The following COQ8A variants were observed in gnomAD, a reference collection of about 807,000 sequenced individuals.
COQ8A encodes atypical kinase COQ8A, mitochondrial.
COQ8A carries 51 observed loss-of-function variants against 65.0 expected under a neutral mutation model. That is an observed-to-expected ratio of 0.78 (90% CI 0.63 to 0.99). The LOEUF (loss-of-function observed/expected upper bound fraction) is 0.99. Among genes scored for constraint, COQ8A ranks in the 50% least tolerant of loss-of-function variants. COQ8A has a pLI of 0.00. For synonymous variants in COQ8A, 371 were observed against 353.2 expected, an observed-to-expected ratio of 1.05 and a Z score of -0.57; for missense variants, 940 against 875.0, an observed-to-expected ratio of 1.07 and a Z score of -0.94.
At chr1:226,948,299 C>T (rs922523284) in intron 1 of COQ8A, among the ~76,000 whole-genome samples, 1 of 152,228 alleles carries the variant, frequency 6.6e-6, no homozygotes, top group Admixed American at 6.5e-5. Context: ...ACTCCAGCCT[C>T]ACTTCTGTCT....
At chr1:226,981,112 A>C (rs1316542772) in intron 5 of COQ8A, among the ~76,000 whole-genome samples, 2 of 152,248 alleles carry the variant, frequency 1.3e-5, no homozygotes, top group African/African-American at 2.4e-5. Context: ...CGAATGTCAC[A>C]AGGGCTGGAG....
rs1659948348 is a variant in COQ8A at position 226,984,465 on chromosome 1, G to A, written c.1399-83G>A. ...CTAGGGTAGGGTGGGTAAAACAGGA[G>A]GCAGGGGCTTCTCTGGCCCCAGTCT... On this transcript the variant is annotated intron_variant, in intron 11 of 14. Coordinates refer to ENST00000366777, the MANE Select transcript of COQ8A (RefSeq NM_020247.5). 2.2e-6 allele frequency: 3 copies of A among 1,382,128 alleles called. No individual in the cohort carries two copies. In the South Asian group the frequency reaches 3.5e-5, roughly 16 times the overall value. The allele number at this position is 1,382,128 out of a possible 1,614,324, so 85.6% of individuals were successfully genotyped here.
intron 1 of COQ8A, among the ~76,000 whole-genome samples, chr1:226,956,435 C>G (rs1657765574): frequency 7.2e-6 from 1 of 139,434 alleles, no homozygotes; most frequent in Non-Finnish European, 1.5e-5. Flanking sequence ...TTCACACTCT[C>G]CCTGGCTGCC....
chr1:226,960,370 G>C (rs1658124596), intron 1 of COQ8A, among the ~76,000 whole-genome samples: 1 of 148,482 alleles, frequency 6.7e-6, no homozygotes, highest in Non-Finnish European at 1.5e-5. Context: ...CTTGGTGGTG[G>C]TGGTGGTACT....
chr1:226,970,445 A>G (rs1049622005), intron 4 of COQ8A, among the ~76,000 whole-genome samples: 4 of 152,238 alleles, frequency 2.6e-5, no homozygotes, highest in Non-Finnish European at 5.9e-5. Flanking sequence ...AATACAGTAG[A>G]TAACTGTAAT....
chr1:226,948,426 G>A (rs1430760053), intron 1 of COQ8A, among the ~76,000 whole-genome samples: 2 of 152,136 alleles, frequency 1.3e-5, no homozygotes, highest in African/African-American at 2.4e-5. Context: ...CATCATATCT[G>A]CAAAGTCCCA....
chr1:226,975,481 CTA>C (rs1659137379), intron 4 of COQ8A, among the ~76,000 whole-genome samples: 2 of 152,220 alleles, frequency 1.3e-5, no homozygotes. Context: ...CAAAATATCT[CTA>C]ATAATATTTA....
chr1:226,977,263 A>C, intron 4 of COQ8A, 186 bp from the exon 5 acceptor site: 1 of 596,334 alleles, frequency 1.7e-6, no homozygotes. Context: ...CCTCGAGCCA[A>C]ATGTTCTCTT....
At position 226,977,471 on chromosome 1, in the gene COQ8A, CG is replaced by C; in HGVS notation, c.682del (p.Ala228HisfsTer54). Reference sequence around the variant, plus strand: ...CAGGTCTGGCCGTGGGCCTGGGCTTCGGGGCACTGGCAGAGGTCGCCAAGAA... The same window carrying C: ...CAGGTCTGGCCGTGGGCCTGGGCTTCGGGCACTGGCAGAGGTCGCCAAGAA... ...FGGLAVGLGF[G>X]ALAEVAKKSL... is the part of the protein sequence containing the mutation. On this transcript the variant is annotated frameshift_variant, in exon 5 of 15. Coordinates refer to ENST00000366777, the MANE Select transcript of COQ8A (RefSeq NM_020247.5). LOFTEE classifies it high-confidence loss of function. 1 of 1,566,720 alleles carries C rather than the reference CG, an allele frequency of 6.4e-7. No homozygotes were observed. Among genetic ancestry groups the C allele is most frequent in the Non-Finnish European group, 8.7e-7 (1 of 1,155,954 alleles).
rs778112327 is a variant in COQ8A, at chr1:226,984,919, C to T, written c.1550C>T (p.Ser517Phe). The change falls in exon 13 of 15, where the codon TCC (serine) becomes TTC (phenylalanine). Residue 517 changes from serine to phenylalanine, a missense_variant. Ser to Phe is a radical substitution (Grantham distance 155). Coordinates refer to ENST00000366777, the MANE Select transcript of COQ8A (RefSeq NM_020247.5). ...GGGGCAACGCGGGAATATGACAGAT[C>T]CTTCACCGACCTCTACATTCAGGTA... ...DFGATREYDRSFTDLYIQIIR... is the reference protein window; with the variant it reads ...DFGATREYDRFFTDLYIQIIR... The T allele has an allele frequency of 1.2e-6, 2 of 1,614,166 alleles. No homozygotes were observed. Among genetic ancestry groups the T allele is most frequent in the Non-Finnish European group, 8.5e-7 (1 of 1,180,030 alleles).
intron 14 of COQ8A, among the ~76,000 whole-genome samples, chr1:226,985,542 T>C (rs572205616): frequency 6.6e-6 from 1 of 152,152 alleles, no homozygotes; most frequent in South Asian, 2.1e-4. Context: ...GGCCAGTGAG[T>C]TGGGGACTTG....
rs1657270070 is a variant in COQ8A, at chr1:226,949,906, G to A, written c.-10+9507G>A. ...ACATGACTTGATTTAGGTCACACTA[G>A]CAAGTCAGTGGCAGAGTCATGATGT... On this transcript the variant is annotated intron_variant, in intron 1 of 14. Coordinates refer to ENST00000366777, the MANE Select transcript of COQ8A (RefSeq NM_020247.5). The surrounding 1 kb of genome is among the most constrained non-coding windows in gnomAD (Gnocchi z 4.0). 6.6e-6 allele frequency among the ~76,000 whole-genome samples: 1 copy of A among 152,214 alleles called. No homozygotes were observed. Among genetic ancestry groups the A allele is most frequent in the African/African-American group, 2.4e-5 (1 of 41,468 alleles).
chr1:226,984,848 A>C lies in COQ8A; in HGVS notation c.1507-28A>C, dbSNP rs550718685. ...ACCCGCACCATGGAGCACCAGGGCC[A>C]AACTTCTCCTGGTGTCTCTGTCCCC... On this transcript the variant is annotated intron_variant, in intron 12 of 14. Transcript: ENST00000366777. The C allele has an allele frequency of 2.5e-6, 4 of 1,613,798 alleles. No homozygotes were observed. In the South Asian group the frequency reaches 4.4e-5, roughly 18 times the overall value.
At chr1:226,951,037 G>A (rs4233221) in intron 1 of COQ8A, among the ~76,000 whole-genome samples, 133,274 of 152,194 alleles carry the variant, frequency 0.88, 58,452 homozygotes, top group East Asian at 0.89. Context: ...CCTCTCTGCC[G>A]GGGCAGACAG....
Position 226,965,673 on chromosome 1 carries a change from C to T in COQ8A, c.591C>T (p.Leu197=). 1 of 1,614,108 alleles carries T rather than the reference C, an allele frequency of 6.2e-7. No individual in the cohort carries two copies. Among genetic ancestry groups the T allele is most frequent in the Non-Finnish European group, 8.5e-7 (1 of 1,180,048 alleles). The change falls in exon 4 of 15, where the codon CTC becomes CTT. Residue 197 remains leucine, a splice_region_variant and synonymous_variant. Transcript: ENST00000366777. ...GTCTCTTTCTCGTCTCCCTCCAGCT[C>T]AGCGAGCATGCCCGGGAGCGGAAGG... The part of the protein sequence containing the change: ...RPENKQHKQT[L]SEHARERKVP...
rs965569345 is a variant in COQ8A at position 226,946,656 on chromosome 1, T to G, written c.-10+6257T>G. On this transcript the variant is annotated intron_variant, in intron 1 of 14. Transcript: ENST00000366777. This position sits in a 1 kb window ranked among gnomAD's most constrained non-coding sequence, Gnocchi z 5.3. ...AGGATTGCCCCTTGTCTGGGTTAAC[T>G]GGGTGATTTTAAAAGCTATCGAGGT... Among the ~76,000 whole-genome samples the G allele has an allele frequency of 1.3e-4, 20 of 152,212 alleles. No homozygotes were observed. Among genetic ancestry groups the G allele is most frequent in the Non-Finnish European group, 2.8e-4 (19 of 68,036 alleles).
chr1:226,983,860 G>A lies in COQ8A; in HGVS notation c.1256+6G>A. On this transcript the variant is annotated splice_donor_region_variant and intron_variant, in intron 10 of 14. Coordinates refer to ENST00000366777, the MANE Select transcript of COQ8A (RefSeq NM_020247.5). ...GCCTGTGCCCGCAAGTTCAGGTGTG[G>A]CCCCCGGCCGGGCCCCTTGCGTGTT... 1 of 1,603,222 alleles carries A rather than the reference G, an allele frequency of 6.2e-7. No individual in the cohort carries two copies. Among genetic ancestry groups the A allele is most frequent in the Non-Finnish European group, 8.5e-7 (1 of 1,176,980 alleles).
At chr1:226,971,240 C>G (rs1045999078) in intron 4 of COQ8A, among the ~76,000 whole-genome samples, 1 of 151,776 alleles carries the variant, frequency 6.6e-6, no homozygotes, top group African/African-American at 2.4e-5. Context: ...CACACCCGAC[C>G]TAGTTTTTAT....
rs533063118 is a variant in COQ8A at position 226,941,305 on chromosome 1, C to CGT, written c.-10+906_-10+907insGT. Among the ~76,000 whole-genome samples, 46 of 152,308 alleles carry CGT rather than the reference C, an allele frequency of 3.0e-4. No individual in the cohort carries two copies. The Middle Eastern group carries it at 0.02, about 68-fold the overall frequency. ...GGATTGAGTAGCTGGTCATGCCAGG[C>CGT]CTACCTGATTGCCAAAGGATTTGAA... On this transcript the variant is annotated intron_variant, in intron 1 of 14. Coordinates refer to ENST00000366777, the MANE Select transcript of COQ8A (RefSeq NM_020247.5).
Sources: gnomAD v4.1 joint callset for allele counts (sites outside exome capture counted in the v4.1 genomes callset) on GRCh38, gnomAD v4.1.1 for gene constraint, Gnocchi (gnomAD v3.1) non-coding constraint, MANE v1.5 for transcripts, NCBI Gene and HGNC (gene_info 2026-07-23, HGNC 2026-07-21) for gene names.